Variants in CADM1 observed in about 807,000 individuals in gnomAD.
CADM1 encodes the protein TSLC-1.
A neutral mutation model predicts 53.1 loss-of-function variants in CADM1; 15 were observed. That is an observed-to-expected ratio of 0.28 (90% CI 0.19 to 0.44). CADM1 has a LOEUF of 0.44. CADM1 is among the 20% of genes least tolerant of loss of function. The pLI is 1.00. For missense variants in CADM1, 434 were observed against 611.3 expected (o/e 0.71, Z 3.06); for synonymous variants, 281 against 243.0 (o/e 1.16, Z -1.45).
At chr11:115,272,399 G>C (rs185995310) in intron 1 of CADM1, among the ~76,000 whole-genome samples, 133 of 151,496 alleles carry the variant, frequency 8.8e-4, no homozygotes, top group African/African-American at 3.0e-3. Flanking sequence ...CATTTATTCA[G>C]GTGTATATAA....
At chr11:115,473,390 T>C (rs1237378938) in intron 1 of CADM1, among the ~76,000 whole-genome samples, 2 of 152,046 alleles carry the variant, frequency 1.3e-5, no homozygotes, top group African/African-American at 2.4e-5. Context: ...GCCCAGGAGT[T>C]CAAGGTTGCA....
At chr11:115,434,624 C>T (rs186470134) in intron 1 of CADM1, among the ~76,000 whole-genome samples, 13 of 152,194 alleles carry the variant, frequency 8.5e-5, no homozygotes, top group Admixed American at 8.5e-4. Context: ...AATCTGGGTA[C>T]AGCCCTTACC....
chr11:115,206,758 C>CTTTTTTTTTTTTTTGTTTTTTTTTTTT (rs1940708316), intron 8 of CADM1, among the ~76,000 whole-genome samples: 1 of 38,206 alleles, frequency 2.6e-5, no homozygotes, highest in East Asian at 1.4e-3. Flanking sequence ...CTGTGGACTT[C>CTTTTTTTTTTTTTTGTTTTTTTTTTTT]TTTTTTTTTT....
In CADM1 at chr11:115,243,595, AG is replaced by A. The variant is rs571025504; in HGVS notation, c.125-3176del. Among the ~76,000 whole-genome samples, 386 of 152,336 alleles carry A rather than the reference AG, an allele frequency of 2.5e-3. 4 individuals are homozygous for A. Among genetic ancestry groups the A allele is most frequent in the Middle Eastern group, 6.8e-3 (2 of 294 alleles). ...GTGATGAAAATACGGTATGTATGTC[AG>A]TACTCTTAACTGCCTGAAGCCTTTA... On this transcript the variant is annotated intron_variant, in intron 1 of 11. Transcript: ENST00000331581.
chr11:115,462,159 G>A (rs980955048), intron 1 of CADM1, among the ~76,000 whole-genome samples: 1 of 152,130 alleles, frequency 6.6e-6, no homozygotes, highest in Non-Finnish European at 1.5e-5. Flanking sequence ...CTGTGGGGCG[G>A]GCAAAGAAGA....
intron 1 of CADM1, among the ~76,000 whole-genome samples, chr11:115,353,384 G>A (rs1945786256): frequency 6.6e-6 from 1 of 152,220 alleles, no homozygotes; most frequent in African/African-American, 2.4e-5. Context: ...AATGTAGCAA[G>A]TGCAACTGTG....
intron 1 of CADM1, among the ~76,000 whole-genome samples, chr11:115,300,247 C>T (rs1029613683): frequency 2.0e-5 from 3 of 152,076 alleles, no homozygotes; most frequent in East Asian, 1.9e-4. Flanking sequence ...GGGGCTCCTG[C>T]GTCTAAATTA....
At chr11:115,385,341 C>T (rs961622880) in intron 1 of CADM1, among the ~76,000 whole-genome samples, 2 of 152,046 alleles carry the variant, frequency 1.3e-5, no homozygotes, top group Non-Finnish European at 2.9e-5. Flanking sequence ...GAGTACAATG[C>T]TAAAAATATT....
At chr11:115,289,727 C>T (rs1283643087) in intron 1 of CADM1, among the ~76,000 whole-genome samples, 1 of 151,268 alleles carries the variant, frequency 6.6e-6, no homozygotes, top group African/African-American at 2.4e-5. Flanking sequence ...TCCCGAGTAG[C>T]TGGGACTATA....
chr11:115,403,597 A>AT (rs1301159161), intron 1 of CADM1, among the ~76,000 whole-genome samples: 6 of 151,384 alleles, frequency 4.0e-5, no homozygotes, highest in South Asian at 2.1e-4. Flanking sequence ...TTTGTTTTTA[A>AT]TTTTTTTTGT....
At chr11:115,462,735 C>A (rs1316064814) in intron 1 of CADM1, among the ~76,000 whole-genome samples, 1 of 152,190 alleles carries the variant, frequency 6.6e-6, no homozygotes. Flanking sequence ...ATTGTTCTGT[C>A]CAGGCAGAGG....
intron 9 of CADM1, among the ~76,000 whole-genome samples, chr11:115,196,595 T>A (rs1247441406): frequency 1.0e-3 from 77 of 76,882 alleles, no homozygotes; most frequent in Admixed American, 1.5e-3. Context: ...GCTGATGAAC[T>A]AAAAAAAAAA....
intron 8 of CADM1, among the ~76,000 whole-genome samples, chr11:115,201,788 G>C (rs893682376): frequency 1.3e-5 from 2 of 152,012 alleles, no homozygotes; most frequent in African/African-American, 2.4e-5. Context: ...GGTGGTGTTG[G>C]GTTATATAGA....
chr11:115,174,975 G>A lies in CADM1; in HGVS notation c.*1499C>T. 4.1e-6 allele frequency: 4 copies of A among 985,786 alleles called. No individual in the cohort carries two copies. The highest frequency in any genetic ancestry group is 4.8e-6 in the Non-Finnish European group (4 of 829,922). 61.1% of individuals were successfully genotyped at this position (985,786 alleles called of 1,614,324 possible). ...TCCCGAGGCTCCCCATCTAAGATAT[G>A]TTCAAGGTCACTGATTTTAGTAGCT... On this transcript the variant is annotated 3_prime_UTR_variant, in exon 12 of 12. Coordinates refer to ENST00000331581, the MANE Select transcript of CADM1 (RefSeq NM_001301043.2).
intron 1 of CADM1, among the ~76,000 whole-genome samples, chr11:115,284,158 G>GTGTGTGTGTGTGT (rs1555055918): frequency 6.8e-6 from 1 of 146,608 alleles, no homozygotes. Context: ...GTGTGTGTAT[G>GTGTGTGTGTGTGT]GTGAGGAGGC....
chr11:115,492,600 C>A (rs1949520515), intron 1 of CADM1, among the ~76,000 whole-genome samples: 1 of 151,824 alleles, frequency 6.6e-6, no homozygotes, highest in East Asian at 1.9e-4. Flanking sequence ...AAAAGAGTGG[C>A]AAAAAATCCT....
intron 1 of CADM1, among the ~76,000 whole-genome samples, chr11:115,404,679 A>G (rs1258072519): frequency 6.6e-5 from 10 of 151,162 alleles, no homozygotes; most frequent in African/African-American, 2.4e-4. Flanking sequence ...TTCAGAACAT[A>G]AAGAATTTCC....
chr11:115,471,069 G>A (rs1016921106), intron 1 of CADM1, among the ~76,000 whole-genome samples: 22 of 152,158 alleles, frequency 1.4e-4, no homozygotes, highest in Admixed American at 7.9e-4. Flanking sequence ...GCCAAAAGCT[G>A]CCCTAGCACA....
At chr11:115,467,505 C>T (rs1009854777) in intron 1 of CADM1, among the ~76,000 whole-genome samples, 4 of 152,158 alleles carry the variant, frequency 2.6e-5, no homozygotes, top group African/African-American at 7.2e-5. Context: ...CATGGGGCCA[C>T]CCAACTATGA....
Sources: allele counts gnomAD v4.1 joint callset (sites outside exome capture counted in the v4.1 genomes callset), GRCh38; gene constraint gnomAD v4.1.1; transcripts MANE v1.5; gene names NCBI Gene and HGNC (gene_info 2026-07-23, HGNC 2026-07-21).